PEAR1: variants seen among roughly 807,000 people sequenced by gnomAD.
The protein encoded by PEAR1 is platelet endothelial aggregation receptor 1.
PEAR1 carries 113 observed loss-of-function variants against 131.2 expected under a neutral mutation model. The ratio of observed to expected loss-of-function variants is 0.86; its 90% CI spans 0.74 to 1.01. PEAR1 has a LOEUF of 1.01. PEAR1 is among the 50% of genes least tolerant of loss of function. The probability of loss-of-function intolerance (pLI) is 0.00; values close to 1 mark genes in which losing one functional copy is unlikely to be tolerated. For synonymous variants in PEAR1, 565 were observed against 523.3 expected, an observed-to-expected ratio of 1.08 and a Z score of -1.09; for missense variants, 1,408 against 1,391.1, an observed-to-expected ratio of 1.01 and a Z score of -0.19.
Position 156,908,491 on chromosome 1 carries a change from G to C in PEAR1, c.1115+151G>C. The C allele has an allele frequency of 8.2e-7, 1 of 1,226,954 alleles. No individual in the cohort carries two copies. The highest frequency in any genetic ancestry group is 1.1e-6 in the Non-Finnish European group (1 of 909,220). The allele number at this position is 1,226,954 out of a possible 1,614,324, so 76.0% of individuals were successfully genotyped here. ...CCTCAGGGGCCGGGAGGGGCCTGGG[G>C]TACCGCTACTTGCCCCAACCCAGTT... On this transcript the variant is annotated intron_variant, in intron 9 of 22. Transcript: ENST00000292357. This position sits in a 1 kb window ranked among gnomAD's most constrained non-coding sequence, Gnocchi z 4.2.
At position 156,907,899 on chromosome 1, in the gene PEAR1, C is replaced by T. The variant is rs1650526850; in HGVS notation, c.766-16C>T. 19 of 1,596,758 alleles carry T rather than the reference C, an allele frequency of 1.2e-5. No homozygotes were observed. Among genetic ancestry groups the T allele is most frequent in the Non-Finnish European group, 1.6e-5 (19 of 1,170,238 alleles). On this transcript the variant is annotated splice_polypyrimidine_tract_variant and intron_variant, in intron 7 of 22. Coordinates refer to ENST00000292357, the MANE Select transcript of PEAR1 (RefSeq NM_001080471.3). ...GGCTGGGTGCCTGGGGCCCTGTTGA[C>T]CTCTTATCCCCACAGGGCACCATCT...
In PEAR1 at chr1:156,909,005, A is replaced by G. The variant is rs756044895; in HGVS notation, c.1380A>G (p.Ser460=). ...RCSCENAIAC[S]PIDGECVCKE... is the part of the protein sequence containing the mutation. ...CATGTGAAAATGCCATCGCCTGCTC[A>G]CCCATCGACGGCGAGTGCGTCTGCA... The change falls in exon 11 of 23, where the codon TCA becomes TCG. Residue 460 remains serine, a synonymous_variant. Transcript: ENST00000292357. 1.2e-6 allele frequency: 2 copies of G among 1,614,044 alleles called. No homozygotes were observed. Among genetic ancestry groups the G allele is most frequent in the South Asian group, 2.2e-5 (2 of 91,076 alleles).
In PEAR1 at chr1:156,915,092, C is replaced by T. The variant is rs887407810; in HGVS notation, c.*294C>T. 2.5e-5 allele frequency: 9 copies of T among 354,570 alleles called. No homozygotes were observed. Among genetic ancestry groups the T allele is most frequent in the Non-Finnish European group, 4.0e-5 (8 of 197,782 alleles). The allele number at this position is 354,570 out of a possible 1,614,324, so 22.0% of individuals were successfully genotyped here. A position where few individuals can be genotyped will look rare whatever the true frequency, so the allele number is the denominator to read the frequency against. The stretch of plus-strand genomic sequence containing the variant: ...CTGGGTAACTCTGATTTCAGACATG[C>T]GTGTGGGGTACCTTTTCTGTGCATG... On this transcript the variant is annotated 3_prime_UTR_variant, in exon 23 of 23. Coordinates refer to ENST00000292357, the MANE Select transcript of PEAR1 (RefSeq NM_001080471.3).
intron 11 of PEAR1, 59 bp downstream of exon 11, chr1:156,909,095 G>A (rs11810027): frequency 0.14 from 227,466 of 1,605,380 alleles, 17,974 homozygotes; most frequent in East Asian, 0.35. Context: ...GAAGAAGGGA[G>A]AGTCCAAGAG....
chr1:156,893,933 C>T (rs1408150956), intron 1 of PEAR1, 96 bp downstream of exon 1: 1 of 152,304 alleles, frequency 6.6e-6, no homozygotes, highest in Non-Finnish European at 1.5e-5. Flanking sequence ...CCTGAGGTCC[C>T]CCTCCTCGAC....
chr1:156,895,448 T>TG (rs1649074505), intron 1 of PEAR1, among the ~76,000 whole-genome samples: 1 of 152,192 alleles, frequency 6.6e-6, no homozygotes, highest in Non-Finnish European at 1.5e-5. Context: ...CCAGGACTCA[T>TG]GGGGGACCCT....
At position 156,915,967 on chromosome 1, in the gene PEAR1, C is replaced by T. The variant is rs1651825636; in HGVS notation, c.*1169C>T. The T allele has an allele frequency of 6.6e-6, 1 of 152,148 alleles. No individual in the cohort carries two copies. The highest frequency in any genetic ancestry group is 2.4e-5 in the African/African-American group (1 of 41,418). 9.4% of individuals were successfully genotyped at this position (152,148 alleles called of 1,614,324 possible). On this transcript the variant is annotated 3_prime_UTR_variant, in exon 23 of 23. Transcript: ENST00000292357. ...AGACTTCCCTAAAGGGTGGCATTTC[C>T]CCAGGGTAACAACGCAGAGCTCAGG...
intron 1 of PEAR1, among the ~76,000 whole-genome samples, chr1:156,896,790 C>G (rs975136358): frequency 1.3e-5 from 2 of 152,208 alleles, no homozygotes; most frequent in African/African-American, 4.8e-5. Flanking sequence ...CCAGGTGACT[C>G]AGGGCCTGGA....
chr1:156,905,210 T>A, intron 3 of PEAR1, 114 bp from the exon 4 acceptor site: 1 of 1,189,444 alleles, frequency 8.4e-7, no homozygotes, highest in African/African-American at 1.5e-5. Context: ...GCGCTTTCTA[T>A]GCGCCCTCAG....
intron 4 of PEAR1, 51 bp from the exon 5 acceptor site, chr1:156,906,225 C>G (rs776344658): frequency 2.6e-6 from 4 of 1,554,320 alleles, no homozygotes; most frequent in Non-Finnish European, 3.5e-6. Flanking sequence ...AGGATAAAAG[C>G]TGGGTAGGGG....
intron 20 of PEAR1, 29 bp from the exon 21 acceptor site, chr1:156,913,663 C>T (rs778784715): frequency 5.3e-5 from 85 of 1,610,422 alleles, no homozygotes; most frequent in Non-Finnish European, 7.0e-5. Flanking sequence ...GGACAGAGGG[C>T]TGATTACCAG....
Position 156,914,961 on chromosome 1 carries a change from C to A in PEAR1, c.*163C>A. 1 of 781,298 alleles carries A rather than the reference C, an allele frequency of 1.3e-6. No individual in the cohort carries two copies. The highest frequency in any genetic ancestry group is 1.9e-6 in the Non-Finnish European group (1 of 529,144). 48.4% of individuals were successfully genotyped at this position (781,298 alleles called of 1,614,324 possible). A position where few individuals can be genotyped will look rare whatever the true frequency, so the allele number is the denominator to read the frequency against. The stretch of plus-strand genomic sequence containing the variant: ...GTGATGGGAGCCTTGTTCCTGGGTT[C>A]TACCATGGGAGACGCTGATCAGCAG... On this transcript the variant is annotated 3_prime_UTR_variant, in exon 23 of 23. Coordinates refer to ENST00000292357, the MANE Select transcript of PEAR1 (RefSeq NM_001080471.3).
chr1:156,911,150 TTC>T (rs1260373749), intron 15 of PEAR1, among the ~76,000 whole-genome samples: 1 of 133,660 alleles, frequency 7.5e-6, no homozygotes, highest in Non-Finnish European at 1.6e-5. Context: ...TTTTCTTTCT[TTC>T]TTTTTCTTTC....
Position 156,913,910 on chromosome 1 carries a change from A to G in PEAR1, c.2772A>G (p.Pro924=), listed in dbSNP as rs750326099. The part of the protein sequence containing the change: ...ASVASLSSEN[P]YATIRDLPSL... ...TGGCTTCCCTGAGCAGTGAGAACCC[A>G]TATGCCACCATCCGGGACCTGCCCA... is the stretch of plus-strand genomic sequence containing the variant. Residue 924 remains proline, a synonymous_variant, in exon 22 of 23, where the codon CCA becomes CCG. Coordinates refer to ENST00000292357, the MANE Select transcript of PEAR1 (RefSeq NM_001080471.3). 41 of 1,614,020 alleles carry G rather than the reference A, an allele frequency of 2.5e-5. No individual in the cohort carries two copies. In the South Asian group the frequency reaches 4.2e-4, roughly 16 times the overall value.
rs141257783 is a variant in PEAR1, at chr1:156,903,972, C to A, written c.46C>A (p.Arg16=). ...CCTCCTTCTCCTGGCTGTGGGCCTG[C>A]GGCTGGCTGGAACTCTCAACCCCAG... ...CPLLLLAVGL[R]LAGTLNPSDP... The change falls in exon 2 of 23, where the codon CGG becomes AGG. Residue 16 remains arginine, a synonymous_variant. Transcript: ENST00000292357. The A allele has an allele frequency of 9.3e-6, 15 of 1,614,030 alleles. No individual in the cohort carries two copies. In the East Asian group the frequency reaches 3.3e-4, roughly 36 times the overall value.
intron 11 of PEAR1, 128 bp downstream of exon 11, chr1:156,909,164 G>C (rs990673438): frequency 4.4e-5 from 55 of 1,241,598 alleles, no homozygotes; most frequent in Admixed American, 3.1e-4. Flanking sequence ...GGCAGCAGCT[G>C]GACACAGGGA....
In PEAR1 at chr1:156,906,659, G is replaced by T. The variant is rs139217818; in HGVS notation, c.423G>T (p.Gly141=). Residue 141 remains glycine, a synonymous_variant, in exon 6 of 23, where the codon GGG becomes GGT. Coordinates refer to ENST00000292357, the MANE Select transcript of PEAR1 (RefSeq NM_001080471.3). The part of the protein sequence containing the change: ...CSSECAPGMW[G]PQCDKPCSCG... The stretch of plus-strand genomic sequence containing the variant: ...CAGAGTGTGCCCCAGGAATGTGGGG[G>T]CCACAGTGTGACAAGCCCTGCAGCT... 4.3e-6 allele frequency: 7 copies of T among 1,614,158 alleles called. No homozygotes were observed. The South Asian group carries it at 7.7e-5, about 18-fold the overall frequency.
At chr1:156,910,809 C>T in intron 15 of PEAR1, 66 bp downstream of exon 15, 5 of 1,593,264 alleles carry the variant, frequency 3.1e-6, no homozygotes, top group Non-Finnish European at 4.3e-6. Context: ...GACGGGAGGT[C>T]TCTGTCCCCC....
chr1:156,907,529 T>TGTGAATCACTAAGAC (rs1650469426), intron 6 of PEAR1, 81 bp from the exon 7 acceptor site: 1 of 1,530,090 alleles, frequency 6.5e-7, no homozygotes, highest in African/African-American at 1.4e-5. Context: ...GAGGTGGGGG[T>TGTGAATCACTAAGAC]TGTGGGGGCA....
Sources: gnomAD v4.1 joint callset for allele counts (sites outside exome capture counted in the v4.1 genomes callset) on GRCh38, gnomAD v4.1.1 for gene constraint, Gnocchi (gnomAD v3.1) non-coding constraint, MANE v1.5 for transcripts, NCBI Gene and HGNC (gene_info 2026-07-23, HGNC 2026-07-21) for gene names.